Variants in NSUN6 observed in about 807,000 individuals in gnomAD.
NSUN6 encodes tRNA (cytosine(72)-C(5))-methyltransferase NSUN6.
A neutral mutation model predicts 58.0 loss-of-function variants in NSUN6; 64 were observed. That is an observed-to-expected ratio of 1.10 (90% CI 0.90 to 1.36). The LOEUF is 1.36. Ranked by LOEUF, NSUN6 falls within the 40% of genes most tolerant of loss-of-function variation. The pLI is 0.00. For missense variants in NSUN6, 701 were observed against 550.1 expected, an observed-to-expected ratio of 1.27 and a Z score of -2.74; for synonymous variants, 231 against 193.9, an observed-to-expected ratio of 1.19 and a Z score of -1.59.
intron 3 of NSUN6, among the ~76,000 whole-genome samples, chr10:18,619,823 T>C (rs2058538398): frequency 6.6e-6 from 1 of 152,246 alleles, no homozygotes; most frequent in Non-Finnish European, 1.5e-5. Flanking sequence ...AAAGAACTTA[T>C]TTCAAGTTTT....
intron 3 of NSUN6, among the ~76,000 whole-genome samples, chr10:18,631,002 CAAT>C (rs1372790472): frequency 6.6e-6 from 1 of 151,708 alleles, no homozygotes. Context: ...CAAAAATCCT[CAAT>C]AAAATACTGG....
At chr10:18,575,934 T>A (rs939236833) in intron 8 of NSUN6, among the ~76,000 whole-genome samples, 18 of 152,144 alleles carry the variant, frequency 1.2e-4, no homozygotes, top group African/African-American at 3.1e-4. Context: ...AAGATCAGCC[T>A]GGGGATCACA....
intron 3 of NSUN6, among the ~76,000 whole-genome samples, chr10:18,636,123 A>G (rs2059206669): frequency 6.6e-6 from 1 of 151,984 alleles, no homozygotes; most frequent in Non-Finnish European, 1.5e-5. Flanking sequence ...CTTGTTGTAT[A>G]AACATAAAGG....
At chr10:18,642,369 G>C (rs1009811351) in intron 3 of NSUN6, 107 bp downstream of exon 3, 1 of 645,516 alleles carries the variant, frequency 1.5e-6, no homozygotes, top group African/African-American at 1.8e-5. Flanking sequence ...TCTATAGAAA[G>C]TTGCTAACAA....
At chr10:18,652,426 C>G (rs547584962), upstream of NSUN6, 95 of 984,758 alleles carry the variant, frequency 9.6e-5, no homozygotes, top group Non-Finnish European at 1.1e-4. Context: ...CTTTAATTTT[C>G]ACACCGAATT....
chr10:18,590,172 A>C (rs2057325050), intron 7 of NSUN6, among the ~76,000 whole-genome samples: 1 of 152,238 alleles, frequency 6.6e-6, no homozygotes, highest in African/African-American at 2.4e-5. Flanking sequence ...AGGGCATTAC[A>C]TAATGACAAA....
chr10:18,590,080 A>G (rs2057320600), intron 7 of NSUN6, among the ~76,000 whole-genome samples: 1 of 152,168 alleles, frequency 6.6e-6, no homozygotes, highest in Non-Finnish European at 1.5e-5. Context: ...AAGTCAATGG[A>G]AAGCAAAAAA....
intron 3 of NSUN6, among the ~76,000 whole-genome samples, chr10:18,618,910 T>C (rs2058506676): frequency 6.6e-6 from 1 of 152,092 alleles, no homozygotes; most frequent in Non-Finnish European, 1.5e-5. Flanking sequence ...TACCTTTTTA[T>C]CCTTAGGGTC....
intron 3 of NSUN6, among the ~76,000 whole-genome samples, chr10:18,620,228 C>T (rs1222960527): frequency 6.6e-6 from 1 of 151,990 alleles, no homozygotes; most frequent in African/African-American, 2.4e-5. Context: ...GCTGAGACTA[C>T]AGGCACCCGC....
At chr10:18,598,524 T>G (rs2057684249) in intron 6 of NSUN6, among the ~76,000 whole-genome samples, 1 of 152,240 alleles carries the variant, frequency 6.6e-6, no homozygotes, top group South Asian at 2.1e-4. Context: ...TAGGTTGCAG[T>G]GCAGTGGCAC....
chr10:18,548,365 G>C, intron 9 of NSUN6, 128 bp from the exon 10 acceptor site: 2 of 758,070 alleles, frequency 2.6e-6, no homozygotes, highest in Non-Finnish European at 2.0e-6. Context: ...ATGTGACAAG[G>C]ATTCCTTCTG....
intron 6 of NSUN6, among the ~76,000 whole-genome samples, chr10:18,608,775 C>T (rs796517135): frequency 1.3e-5 from 2 of 151,958 alleles, no homozygotes; most frequent in Non-Finnish European, 2.9e-5. Context: ...GGCTACGTTG[C>T]CAAATGAACA....
In NSUN6 at chr10:18,546,017, G is replaced by T; in HGVS notation, c.1326C>A (p.Ala442=). The change falls in exon 11 of 11, where the codon GCC becomes GCA. Residue 442 remains alanine, a synonymous_variant. Transcript: ENST00000377304. ...CCAGACGCAACATGTCTTCTCTTCT[G>T]GCCTCTCTAAGAGAGTCCATGTCAG... ...PDTDMDSLRE[A]RREDMLRLAN... The T allele has an allele frequency of 6.3e-7, 1 of 1,585,578 alleles. No homozygotes were observed. The highest frequency in any genetic ancestry group is 1.2e-5 in the South Asian group (1 of 85,714).
intron 9 of NSUN6, 95 bp downstream of exon 9, chr10:18,551,728 T>C (rs983683911): frequency 1.5e-5 from 15 of 1,022,786 alleles, no homozygotes; most frequent in Admixed American, 4.2e-5. Context: ...CTTTTGGCTA[T>C]TGTAATGAAC....
chr10:18,558,168 A>G (rs2055189796), intron 8 of NSUN6, among the ~76,000 whole-genome samples: 1 of 151,426 alleles, frequency 6.6e-6, no homozygotes, highest in African/African-American at 2.4e-5. Context: ...TGGAATGGAG[A>G]ATGGAATGGA....
chr10:18,648,757 T>C (rs1312002263), intron 1 of NSUN6, 112 bp from the exon 2 acceptor site: 4 of 629,592 alleles, frequency 6.4e-6, no homozygotes, highest in Admixed American at 2.8e-5. Context: ...TCAGCTCCAT[T>C]CTATTTTGCT....
chr10:18,593,875 T>TAA lies in NSUN6; in HGVS notation c.777+2331_777+2332dup, dbSNP rs772814324. Among the ~76,000 whole-genome samples the TAA allele has an allele frequency of 1.6e-4, 15 of 96,350 alleles. No individual in the cohort carries two copies. The East Asian group carries it at 2.7e-3, about 17-fold the overall frequency. The allele number at this position is 96,350 out of a possible 152,430, so 63.2% of individuals were successfully genotyped here. ...TGTATTGCAGAACTTAAAGCACAAT[T>TAA]AAAAAAAAAAAAAAAGGGCCAAAAT... On this transcript the variant is annotated intron_variant, in intron 7 of 10. Transcript: ENST00000377304.
At chr10:18,599,160 C>G (rs2057710932) in intron 6 of NSUN6, among the ~76,000 whole-genome samples, 1 of 152,166 alleles carries the variant, frequency 6.6e-6, no homozygotes, top group South Asian at 2.1e-4. Flanking sequence ...ACATCAGCCT[C>G]CAAATGAGCT....
At chr10:18,626,008 C>T (rs1161490763) in intron 3 of NSUN6, among the ~76,000 whole-genome samples, 3 of 151,980 alleles carry the variant, frequency 2.0e-5, no homozygotes, top group Non-Finnish European at 4.4e-5. Context: ...AACAAAAAGG[C>T]AACAGGCAGA....
Sources: gnomAD v4.1 joint callset for allele counts (sites outside exome capture counted in the v4.1 genomes callset) on GRCh38, gnomAD v4.1.1 for gene constraint, MANE v1.5 for transcripts, NCBI Gene and HGNC (gene_info 2026-07-23, HGNC 2026-07-21) for gene names.